Variants in COL6A1 observed in about 807,000 individuals in gnomAD.
The protein encoded by COL6A1 is collagen type VI alpha 1 chain.
A neutral mutation model predicts 145.6 loss-of-function variants in COL6A1; 80 were observed. That is an observed-to-expected ratio of 0.55 (90% CI 0.46 to 0.66). The LOEUF is 0.66. COL6A1 is among the 30% of genes least tolerant of loss of function. COL6A1 has a pLI of 0.00. For synonymous variants in COL6A1, 638 were observed against 622.8 expected (o/e 1.02, Z -0.36); for missense variants, 1,364 against 1,473.8 (o/e 0.93, Z 1.22).
chr21:45,999,921 ACATGT>A (rs2077830377), intron 27 of COL6A1, among the ~76,000 whole-genome samples: 1 of 6,546 alleles, frequency 1.5e-4, no homozygotes, highest in Non-Finnish European at 3.0e-4. Context: ...ATCATGGGGG[ACATGT>A]GAGGATCATG....
Position 45,994,099 on chromosome 21 carries a change from A to C in COL6A1, c.1336-68A>C. ...ACCTGGACAGCATGCTGTGGCTCCCAGCGTGCCCGGGCAGCCATCCTCCCC... is the reference window on the plus strand; with the variant it reads ...ACCTGGACAGCATGCTGTGGCTCCCCGCGTGCCCGGGCAGCCATCCTCCCC... On this transcript the variant is annotated intron_variant, in intron 19 of 34. Coordinates refer to ENST00000361866, the MANE Select transcript of COL6A1 (RefSeq NM_001848.3). This position sits in a 1 kb window ranked among gnomAD's most constrained non-coding sequence, Gnocchi z 6.8. The C allele has an allele frequency of 6.7e-7, 1 of 1,483,908 alleles. No individual in the cohort carries two copies. The highest frequency in any genetic ancestry group is 9.2e-7 in the Non-Finnish European group (1 of 1,084,484). The allele number at this position is 1,483,908 out of a possible 1,614,324, so 91.9% of individuals were successfully genotyped here.
At position 45,999,802 on chromosome 21, in the gene COL6A1, G is replaced by A. The variant is rs931990739; in HGVS notation, c.1776+110G>A. The A allele has an allele frequency of 2.1e-5, 19 of 898,454 alleles. No individual in the cohort carries two copies. In the Admixed American group the frequency reaches 3.4e-4, roughly 16 times the overall value. The allele number at this position is 898,454 out of a possible 1,614,324, so 55.7% of individuals were successfully genotyped here. On this transcript the variant is annotated intron_variant, in intron 27 of 34. Coordinates refer to ENST00000361866, the MANE Select transcript of COL6A1 (RefSeq NM_001848.3). ...TGTAGACGCTGCTCACGGGGGGGTG[G>A]GTTGTGGACAAAGAGCTGGTGCCAG...
At chr21:46,001,907 C>T in intron 30 of COL6A1, 54 bp from the exon 31 acceptor site, 2 of 1,513,942 alleles carry the variant, frequency 1.3e-6, no homozygotes, top group South Asian at 2.3e-5. Context: ...CCTTGGGAAG[C>T]TTATGCGGAC....
intron 1 of COL6A1, 34 bp downstream of exon 1, chr21:45,981,981 C>G: frequency 6.5e-7 from 1 of 1,530,014 alleles, no homozygotes; most frequent in Non-Finnish European, 8.9e-7. Context: ...GCTCCAGACC[C>G]CCCGCTCTTT....
chr21:46,003,987 G>A lies in COL6A1; in HGVS notation c.3061G>A (p.Val1021Ile), dbSNP rs1252282595. The A allele has an allele frequency of 2.5e-6, 4 of 1,613,046 alleles. No homozygotes were observed. The highest frequency in any genetic ancestry group is 2.7e-5 in the African/African-American group (2 of 74,954). ...ALLRGVFHQT[V>I]SRKVALG Reference sequence around the variant, plus strand: ...GCTCCGCGGTGTCTTCCACCAGACAGTCTCCAGGAAGGTGGCGCTGGGCTA... The same window carrying A: ...GCTCCGCGGTGTCTTCCACCAGACAATCTCCAGGAAGGTGGCGCTGGGCTA... The change falls in exon 35 of 35, where the codon GTC becomes ATC. Residue 1021 changes from valine (V) to isoleucine (I), a missense_variant. Val to Ile is a conservative substitution (Grantham distance 29, BLOSUM62 3). Around this residue, in one of 3 missense-constraint regions of COL6A1, gnomAD observed 938 missense variants for 1,003.8 expected, o/e 0.93. Coordinates refer to ENST00000361866, the MANE Select transcript of COL6A1 (RefSeq NM_001848.3).
intron 3 of COL6A1, among the ~76,000 whole-genome samples, chr21:45,985,308 G>A (rs527562848): frequency 7.1e-6 from 1 of 140,492 alleles, no homozygotes; most frequent in African/African-American, 2.7e-5. Context: ...AGACAGAGAG[G>A]GAGACAGAGA....
intron 30 of COL6A1, among the ~76,000 whole-genome samples, 164 bp downstream of exon 30, chr21:46,001,550 C>G (rs1007454633): frequency 2.0e-5 from 3 of 152,234 alleles, no homozygotes; most frequent in Admixed American, 6.5e-5. Flanking sequence ...GTCCAGGCCT[C>G]CAGCTCCACC....
intron 33 of COL6A1, 126 bp downstream of exon 33, chr21:46,002,836 C>T (rs761372806): frequency 2.8e-5 from 35 of 1,238,262 alleles, no homozygotes; most frequent in Admixed American, 4.0e-5. Context: ...CGTAGGTGCA[C>T]GCGGGGCCGC....
intron 2 of COL6A1, among the ~76,000 whole-genome samples, chr21:45,983,856 T>C (rs868294948): frequency 9.5e-4 from 1 of 1,052 alleles, no homozygotes; most frequent in South Asian, 0.026. Context: ...GATGGGAGGG[T>C]GGGTGGGGCA....
chr21:45,994,349 T>A lies in COL6A1; in HGVS notation c.1398+120T>A. On this transcript the variant is annotated intron_variant, in intron 20 of 34. Transcript: ENST00000361866. This position sits in a 1 kb window ranked among gnomAD's most constrained non-coding sequence, Gnocchi z 6.8. ...CCGTTTGAGGGCCTCTGTGTTTCCG[T>A]AGATCTCGGGGGTGTCCCTGCGTGG... 3.0e-6 allele frequency: 3 copies of A among 994,790 alleles called. No individual in the cohort carries two copies. The highest frequency in any genetic ancestry group is 1.4e-5 in the South Asian group (1 of 71,054). The allele number at this position is 994,790 out of a possible 1,614,324, so 61.6% of individuals were successfully genotyped here.
At chr21:45,995,642 G>A (rs1161971744) in intron 20 of COL6A1, among the ~76,000 whole-genome samples, 1 of 152,260 alleles carries the variant, frequency 6.6e-6, no homozygotes, top group Non-Finnish European at 1.5e-5. Context: ...AGGCAGTCCT[G>A]TGAGCAGGCC....
At chr21:45,999,239 G>A in intron 26 of COL6A1, 21 bp downstream of exon 26, 1 of 1,578,478 alleles carries the variant, frequency 6.3e-7, no homozygotes. Context: ...GTGGCTGGGT[G>A]AGGCCACGGT....
Position 46,001,255 on chromosome 21 carries a change from T to C in COL6A1, c.1825T>C (p.Cys609Arg), listed in dbSNP as rs763495943. Reference protein sequence around the residue: ...IIMKMCSCCECKCGPIDLLFV... With the variant: ...IIMKMCSCCERKCGPIDLLFV... ...GCTGACACCGCCCCCGCCTGCAGAA[T>C]GCAAGTGCGGCCCCATCGACCTCCT... The change falls in exon 30 of 35, where the codon TGC becomes CGC. Residue 609 changes from cysteine to arginine, a missense_variant and splice_region_variant. Cys to Arg is a radical substitution (Grantham distance 180, BLOSUM62 -3). This residue lies in a region of COL6A1 where 938 missense variants were observed against 1,003.8 expected (regional missense o/e 0.93). Coordinates refer to ENST00000361866, the MANE Select transcript of COL6A1 (RefSeq NM_001848.3). 29 of 1,607,040 alleles carry C rather than the reference T, an allele frequency of 1.8e-5. No homozygotes were observed. The highest frequency in any genetic ancestry group is 2.4e-5 in the Non-Finnish European group (28 of 1,179,246).
At chr21:45,989,860 C>T in intron 11 of COL6A1, 82 bp downstream of exon 11, 1 of 1,569,280 alleles carries the variant, frequency 6.4e-7, no homozygotes, top group Non-Finnish European at 8.8e-7. Flanking sequence ...GGGATGAGGA[C>T]AGTGTCCCTG....
chr21:46,000,607 CG>C, intron 28 of COL6A1, 151 bp from the exon 29 acceptor site: 4 of 1,308,202 alleles, frequency 3.1e-6, no homozygotes, highest in Non-Finnish European at 4.3e-6. Context: ...GCCGGGGAGG[CG>C]GGGAGGCGGG....
chr21:45,982,597 G>A (rs758341820), intron 1 of COL6A1, 37 bp from the exon 2 acceptor site: 9 of 1,612,092 alleles, frequency 5.6e-6, no homozygotes, highest in Non-Finnish European at 7.6e-6. Flanking sequence ...GGAATGGGGC[G>A]AGAGCTTGAA....
chr21:45,993,909 A>G (rs936899374), intron 19 of COL6A1, among the ~76,000 whole-genome samples: 3 of 152,198 alleles, frequency 2.0e-5, no homozygotes, highest in African/African-American at 7.2e-5. Flanking sequence ...AGAAGCAGGG[A>G]TGCACGCAGG....
In COL6A1 at chr21:46,003,725, C is replaced by T. The variant is rs773470822; in HGVS notation, c.2799C>T (p.Gly933=). 8.7e-6 allele frequency: 14 copies of T among 1,612,802 alleles called. No individual in the cohort carries two copies. In the African/African-American group the frequency reaches 1.2e-4, roughly 14 times the overall value. ...GCTTCTACCGCGAGGCCTCGTCCGG[C>T]GCTGCCAAGAAGAGGCTGCTGCTCT... The part of the protein sequence containing the change: ...VTRFYREASS[G]AAKKRLLLFS... Residue 933 remains glycine (G), a synonymous_variant, in exon 35 of 35, where the codon GGC becomes GGT. Transcript: ENST00000361866.
At chr21:45,984,911 GAGAC>G (rs1374009731) in intron 3 of COL6A1, among the ~76,000 whole-genome samples, 3 of 151,298 alleles carry the variant, frequency 2.0e-5, no homozygotes, top group Admixed American at 1.3e-4. Context: ...CAGAGAGACA[GAGAC>G]AGAGACAGAC....
Sources: gnomAD v4.1 joint callset for allele counts (sites outside exome capture counted in the v4.1 genomes callset) on GRCh38, gnomAD v4.1.1 for gene constraint, gnomAD v4.1.1 regional missense constraint, Gnocchi (gnomAD v3.1) non-coding constraint, MANE v1.5 for transcripts, NCBI Gene and HGNC (gene_info 2026-07-23, HGNC 2026-07-21) for gene names.